ANK2: variants seen among roughly 807,000 people sequenced by gnomAD.
ANK2 encodes the protein ankyrin 2.
In ANK2, 83 loss-of-function variants were observed where a neutral mutation model predicts 360.5. That is an observed-to-expected ratio of 0.23 (90% confidence interval 0.19 to 0.28). The LOEUF is 0.28. Among genes scored for constraint, ANK2 ranks in the 10% least tolerant of loss-of-function variants. ANK2 has a pLI of 1.00. For synonymous variants in ANK2, 1,740 were observed against 1,759.5 expected (o/e 0.99, Z 0.28); for missense variants, 4,201 against 4,795.7 (o/e 0.88, Z 3.66).
At chr4:112,873,636 A>C (rs1434555621) in intron 1 of ANK2, among the ~76,000 whole-genome samples, 1 of 148,204 alleles carries the variant, frequency 6.7e-6, no homozygotes, top group African/African-American at 2.5e-5. Context: ...TCCCGGGTTC[A>C]CACCATTCTC....
chr4:112,749,969 C>T, the ANK2 span, among the ~76,000 whole-genome samples: 1 of 152,204 alleles, frequency 6.6e-6, no homozygotes, highest in African/African-American at 2.4e-5. Flanking sequence ...TGGTCTCGAT[C>T]TCCTGACCCC....
chr4:112,723,101 A>G, the ANK2 span, among the ~76,000 whole-genome samples: 1 of 152,264 alleles, frequency 6.6e-6, no homozygotes, highest in African/African-American at 2.4e-5. Flanking sequence ...ATATGTAGCC[A>G]GTCAACAACT....
chr4:113,027,930 G>A (rs543746803), intron 2 of ANK2, among the ~76,000 whole-genome samples: 5 of 152,070 alleles, frequency 3.3e-5, no homozygotes, highest in African/African-American at 7.2e-5. Context: ...TTTTGTTTAC[G>A]TTAAAAATAG....
At chr4:112,866,014 T>C (rs2070377797) in intron 1 of ANK2, among the ~76,000 whole-genome samples, 1 of 152,252 alleles carries the variant, frequency 6.6e-6, no homozygotes, top group Non-Finnish European at 1.5e-5. Flanking sequence ...CTTTGGTGGC[T>C]CACTGTGCTA....
intron 4 of ANK2, among the ~76,000 whole-genome samples, chr4:113,224,655 A>G (rs1199074241): frequency 2.0e-5 from 3 of 152,250 alleles, no homozygotes; most frequent in African/African-American, 7.2e-5. Context: ...GTAAAAACAA[A>G]TAAAATGAGT....
chr4:112,771,060 G>A, the ANK2 span, among the ~76,000 whole-genome samples: 2 of 152,110 alleles, frequency 1.3e-5, no homozygotes, highest in African/African-American at 4.8e-5. Flanking sequence ...TTGTGGCTGG[G>A]GCCCCTGTAA....
chr4:113,378,525 C>T (rs2097046084), intron 45 of ANK2, among the ~76,000 whole-genome samples: 1 of 152,244 alleles, frequency 6.6e-6, no homozygotes, highest in East Asian at 1.9e-4. Flanking sequence ...AGAATCTAAT[C>T]GATGGATCAC....
At chr4:112,714,143 G>T in the ANK2 span, among the ~76,000 whole-genome samples, 1 of 152,254 alleles carries the variant, frequency 6.6e-6, no homozygotes, top group South Asian at 2.1e-4. Context: ...AATGACTAAT[G>T]ATGTTGAATA....
At chr4:113,225,466 T>A (rs2099207172) in intron 4 of ANK2, among the ~76,000 whole-genome samples, 1 of 152,168 alleles carries the variant, frequency 6.6e-6, no homozygotes, top group African/African-American at 2.4e-5. Flanking sequence ...AGTAATTTTA[T>A]ATGATCACTC....
chr4:112,848,455 C>G (rs959468881), intron 1 of ANK2, among the ~76,000 whole-genome samples: 2 of 152,194 alleles, frequency 1.3e-5, no homozygotes, highest in African/African-American at 4.8e-5. Context: ...AGCCACCACA[C>G]CCTGCCAGAA....
At chr4:113,093,387 A>T (rs1407251381) in intron 1 of ANK2, among the ~76,000 whole-genome samples, 1 of 152,018 alleles carries the variant, frequency 6.6e-6, no homozygotes, top group African/African-American at 2.4e-5. Flanking sequence ...TTCGAGATGG[A>T]GTCTTGCTCT....
intron 14 of ANK2, 22 bp from the exon 15 acceptor site, chr4:113,274,430 T>G: frequency 6.2e-7 from 1 of 1,613,428 alleles, no homozygotes; most frequent in Non-Finnish European, 8.5e-7. Flanking sequence ...GGCACTAACT[T>G]TTTACTTGGC....
chr4:113,182,328 C>T (rs893993794), intron 2 of ANK2, among the ~76,000 whole-genome samples: 1 of 152,066 alleles, frequency 6.6e-6, no homozygotes, highest in African/African-American at 2.4e-5. Context: ...CCAAGATATT[C>T]AGTAGGCAGT....
chr4:113,081,281 G>T (rs1172131486), intron 1 of ANK2, among the ~76,000 whole-genome samples: 1 of 152,142 alleles, frequency 6.6e-6, no homozygotes, highest in Non-Finnish European at 1.5e-5. Flanking sequence ...CTTGCACATT[G>T]ATGGTCTTTA....
chr4:112,948,602 A>G (rs1404299526), intron 2 of ANK2, among the ~76,000 whole-genome samples: 4 of 152,182 alleles, frequency 2.6e-5, no homozygotes, highest in Admixed American at 1.3e-4. Flanking sequence ...TTTCATTCAA[A>G]CAAGCTCTGC....
intron 1 of ANK2, among the ~76,000 whole-genome samples, chr4:112,903,304 G>C (rs964573921): frequency 6.6e-6 from 1 of 152,138 alleles, no homozygotes; most frequent in African/African-American, 2.4e-5. Flanking sequence ...AATATGCAGA[G>C]GGATCATCTT....
At chr4:113,361,082 A>G (rs968990380) in intron 39 of ANK2, among the ~76,000 whole-genome samples, 185 bp downstream of exon 39, 2 of 152,200 alleles carry the variant, frequency 1.3e-5, no homozygotes, top group African/African-American at 2.4e-5. Flanking sequence ...CAGGCCTTTT[A>G]TCATCTCTGA....
At chr4:113,221,257 T>C (rs2099147852) in intron 4 of ANK2, among the ~76,000 whole-genome samples, 1 of 151,852 alleles carries the variant, frequency 6.6e-6, no homozygotes, top group African/African-American at 2.4e-5. Context: ...GACAAGTTGG[T>C]CTGGAGCAAC....
At chr4:113,091,110 G>T (rs1217931911) in intron 1 of ANK2, among the ~76,000 whole-genome samples, 2 of 152,148 alleles carry the variant, frequency 1.3e-5, no homozygotes, top group Non-Finnish European at 2.9e-5. Flanking sequence ...AGTGGTACAG[G>T]TTCTGCCCAT....
Sources: gnomAD v4.1 joint callset for allele counts (sites outside exome capture counted in the v4.1 genomes callset) on GRCh38, gnomAD v4.1.1 for gene constraint, MANE v1.5 for transcripts, NCBI Gene and HGNC (gene_info 2026-07-23, HGNC 2026-07-21) for gene names.